The following DYNC1LI1 variants were observed in gnomAD, a reference collection of about 807,000 sequenced individuals.
DYNC1LI1 encodes cytoplasmic dynein 1 light intermediate chain 1.
A neutral mutation model predicts 63.8 loss-of-function variants in DYNC1LI1; 19 were observed. That is an observed-to-expected ratio of 0.30 (90% CI 0.21 to 0.44). The LOEUF (loss-of-function observed/expected upper bound fraction) is 0.44. DYNC1LI1 is among the 20% of genes least tolerant of loss of function. DYNC1LI1 has a pLI of 1.00. For synonymous variants in DYNC1LI1, 225 were observed against 232.3 expected (o/e 0.97, Z 0.28); for missense variants, 565 against 630.2 (o/e 0.90, Z 1.11).
chr3:32,533,137 A>G (rs779624339), intron 7 of DYNC1LI1, 40 bp from the exon 8 acceptor site: 1 of 1,566,062 alleles, frequency 6.4e-7, no homozygotes. Context: ...AAGCATTTAT[A>G]TAGTCATTCT....
intron 2 of DYNC1LI1, 22 bp downstream of exon 2, chr3:32,570,324 G>GGGCGA (rs1462128717): frequency 6.5e-6 from 10 of 1,540,886 alleles, no homozygotes; most frequent in Middle Eastern, 1.8e-4. Context: ...GGGCGGGGCG[G>GGGCGA]GGCGAGGCAG....
chr3:32,538,363 C>T (rs1697829937), intron 5 of DYNC1LI1, among the ~76,000 whole-genome samples: 1 of 151,340 alleles, frequency 6.6e-6, no homozygotes, highest in Non-Finnish European at 1.5e-5. Flanking sequence ...TATACTTTGA[C>T]TTATTGACAC....
At chr3:32,548,161 C>T (rs995152730) in intron 2 of DYNC1LI1, among the ~76,000 whole-genome samples, 25 of 151,924 alleles carry the variant, frequency 1.6e-4, no homozygotes, top group African/African-American at 5.8e-4. Flanking sequence ...GGCTGTGGAC[C>T]GGTACCAGTC....
intron 2 of DYNC1LI1, among the ~76,000 whole-genome samples, chr3:32,557,065 G>T (rs1039512703): frequency 6.6e-6 from 1 of 152,042 alleles, no homozygotes; most frequent in African/African-American, 2.4e-5. Context: ...TTGGACCAAG[G>T]GTTGGTCCTT....
rs1487498105 is a variant in DYNC1LI1 at position 32,547,144 on chromosome 3, G to A, written c.221-1179C>T. On this transcript the variant is annotated intron_variant, in intron 2 of 12. Transcript: ENST00000273130. ...TGTAATCCCAGCTACTCGGGAGACTGAGGCAGGAGAACTGCTTGAATCCGG... is the reference window on the plus strand; with the variant it reads ...TGTAATCCCAGCTACTCGGGAGACTAAGGCAGGAGAACTGCTTGAATCCGG... 2.6e-5 allele frequency among the ~76,000 whole-genome samples: 4 copies of A among 152,252 alleles called. No individual in the cohort carries two copies. The East Asian group carries it at 7.7e-4, about 29-fold the overall frequency.
chr3:32,540,927 A>C, intron 5 of DYNC1LI1, 110 bp downstream of exon 5: 1 of 739,390 alleles, frequency 1.4e-6, no homozygotes, highest in South Asian at 3.5e-5. Flanking sequence ...GTTTGTTAAC[A>C]AAAAATCATC....
intron 5 of DYNC1LI1, among the ~76,000 whole-genome samples, chr3:32,539,664 T>C: frequency 6.6e-6 from 1 of 151,122 alleles, no homozygotes. Flanking sequence ...GCCTCCCGAG[T>C]AGCTGGGACT....
intron 4 of DYNC1LI1, among the ~76,000 whole-genome samples, chr3:32,542,753 G>GA (rs1313570128): frequency 2.0e-5 from 3 of 151,956 alleles, no homozygotes; most frequent in South Asian, 2.1e-4. Flanking sequence ...TACTTACTTA[G>GA]AAAAAAAATG....
In DYNC1LI1 at chr3:32,536,995, G is replaced by A; in HGVS notation, c.832+16C>T. Reference sequence around the variant, plus strand: ...AAAGTGATACACTGAATCAATAAATGTATTTAAAAGGATACACTGTAAACA... The same window carrying A: ...AAAGTGATACACTGAATCAATAAATATATTTAAAAGGATACACTGTAAACA... On this transcript the variant is annotated intron_variant, in intron 6 of 12. Coordinates refer to ENST00000273130, the MANE Select transcript of DYNC1LI1 (RefSeq NM_016141.4). 1 of 1,386,540 alleles carries A rather than the reference G, an allele frequency of 7.2e-7. No individual in the cohort carries two copies. Among genetic ancestry groups the A allele is most frequent in the Non-Finnish European group, 1.0e-6 (1 of 993,426 alleles). The allele number at this position is 1,386,540 out of a possible 1,614,324, so 85.9% of individuals were successfully genotyped here. A position where few individuals can be genotyped will look rare whatever the true frequency, so the allele number is the denominator to read the frequency against.
chr3:32,546,847 G>C (rs1235774693), intron 2 of DYNC1LI1, among the ~76,000 whole-genome samples: 1 of 152,084 alleles, frequency 6.6e-6, no homozygotes, highest in African/African-American at 2.4e-5. Flanking sequence ...AAAGTGTAGG[G>C]GGGATGTACA....
In DYNC1LI1 at chr3:32,544,877, C is replaced by G. The variant is rs1697931162; in HGVS notation, c.567G>C (p.Lys189Asn). The G allele has an allele frequency of 1.9e-6, 3 of 1,599,944 alleles. No individual in the cohort carries two copies. The highest frequency in any genetic ancestry group is 2.6e-6 in the Non-Finnish European group (3 of 1,167,492). The change falls in exon 4 of 13, where the codon AAG becomes AAC. Residue 189 changes from lysine (K) to asparagine (N), a missense_variant and splice_region_variant. By Grantham distance (94) the Lys-to-Asn change is moderately conservative. Transcript: ENST00000273130. ...CATTACTGTTTCTAGATTACTTACA[C>G]TTTTGTTCCATTTGTTTCATTTCTT... ...PPEEMKQMEQ[K>N]LIRDFQEYVE...
Position 32,526,668 on chromosome 3 carries a change from CACACACACACG to C in DYNC1LI1, c.*120_*130del, listed in dbSNP as rs879114980. On this transcript the variant is annotated 3_prime_UTR_variant, in exon 13 of 13. Coordinates refer to ENST00000273130, the MANE Select transcript of DYNC1LI1 (RefSeq NM_016141.4). ...AAATGGGTAACCACACACACACACA[CACACACACACG>C]ACATAAATTTAGTCCATCTGAAGAA... 2.5e-4 allele frequency: 167 copies of C among 668,686 alleles called. No homozygotes were observed. The highest frequency in any genetic ancestry group is 2.0e-3 in the Middle Eastern group (8 of 3,948). The allele number at this position is 668,686 out of a possible 1,614,324, so 41.4% of individuals were successfully genotyped here. A position where few individuals can be genotyped will look rare whatever the true frequency, so the allele number is the denominator to read the frequency against.
intron 7 of DYNC1LI1, 148 bp downstream of exon 7, chr3:32,534,363 A>G: frequency 3.2e-6 from 2 of 624,692 alleles, no homozygotes; most frequent in Non-Finnish European, 5.4e-6. Flanking sequence ...AAGACAGGTT[A>G]TAAACAAAAA....
At chr3:32,537,319 C>T (rs1391370893) in intron 5 of DYNC1LI1, 2 of 275,408 alleles carry the variant, frequency 7.3e-6, no homozygotes, top group Non-Finnish European at 1.3e-5. Context: ...TTAACTTCAA[C>T]GTTAATGTTA....
chr3:32,536,118 G>T (rs1323686859), intron 6 of DYNC1LI1, among the ~76,000 whole-genome samples: 2 of 152,174 alleles, frequency 1.3e-5, no homozygotes, highest in African/African-American at 4.8e-5. Context: ...AAAGGGGAAA[G>T]GGAAACTATC....
chr3:32,566,526 A>T (rs1698261880), intron 2 of DYNC1LI1: 1 of 205,026 alleles, frequency 4.9e-6, no homozygotes. Context: ...AGATCACCTG[A>T]GGTCAGGAGT....
chr3:32,532,027 T>A (rs1418607285), intron 8 of DYNC1LI1: 1 of 152,204 alleles, frequency 6.6e-6, no homozygotes, highest in African/African-American at 2.4e-5. Flanking sequence ...TTAGGGATAG[T>A]CAATTTATTT....
chr3:32,565,633 C>CA (rs1698248118), intron 2 of DYNC1LI1, among the ~76,000 whole-genome samples: 1 of 152,034 alleles, frequency 6.6e-6, no homozygotes, highest in African/African-American at 2.4e-5. Context: ...TTTTTTGAGA[C>CA]AGAGTTTCAC....
intron 2 of DYNC1LI1, among the ~76,000 whole-genome samples, chr3:32,556,836 A>G (rs568152693): frequency 3.9e-5 from 6 of 152,310 alleles, no homozygotes; most frequent in Non-Finnish European, 8.8e-5. Context: ...ATCTGGCCCA[A>G]ACTTCGCTAT....
Sources: allele counts gnomAD v4.1 joint callset (sites outside exome capture counted in the v4.1 genomes callset), GRCh38; gene constraint gnomAD v4.1.1; transcripts MANE v1.5; gene names NCBI Gene and HGNC (gene_info 2026-07-23, HGNC 2026-07-21).